TAFA2: variants seen among roughly 807,000 people sequenced by gnomAD.
TAFA2 encodes TAFA chemokine like family member 2.
In TAFA2, 7 loss-of-function variants were observed where a neutral mutation model predicts 18.8. The observed-to-expected ratio is 0.37, with a 90% CI of 0.21 to 0.70. The LOEUF is 0.70. Among genes scored for constraint, TAFA2 ranks in the 30% least tolerant of loss-of-function variants. The probability of loss-of-function intolerance (pLI) is 0.53; values close to 1 mark genes in which losing one functional copy is unlikely to be tolerated. For missense variants in TAFA2, 122 were observed against 158.1 expected (o/e 0.77, Z 1.23); for synonymous variants, 60 against 54.2 (o/e 1.11, Z -0.47).
intron 1 of TAFA2, among the ~76,000 whole-genome samples, chr12:61,902,110 A>C (rs1876131239): frequency 6.6e-6 from 1 of 151,696 alleles, no homozygotes; most frequent in South Asian, 2.1e-4. Context: ...AAAAAAAAAA[A>C]AAACCTGTAT....
chr12:61,928,578 T>C (rs1335571801), intron 1 of TAFA2, among the ~76,000 whole-genome samples: 2 of 152,158 alleles, frequency 1.3e-5, no homozygotes, highest in Non-Finnish European at 1.5e-5. Flanking sequence ...GAACGTAAAT[T>C]AGTTCAACCA....
At chr12:61,939,072 A>T (rs1164416773) in intron 1 of TAFA2, among the ~76,000 whole-genome samples, 1 of 152,296 alleles carries the variant, frequency 6.6e-6, no homozygotes. Context: ...AATTCTTTTT[A>T]AAAAAGTATA....
intron 4 of TAFA2, among the ~76,000 whole-genome samples, chr12:61,732,685 G>T (rs1281802346): frequency 6.6e-6 from 1 of 151,720 alleles, no homozygotes; most frequent in Admixed American, 6.6e-5. Context: ...GATGGTGATG[G>T]TTTGCAATGT....
At chr12:61,821,179 T>G (rs958832845) in intron 2 of TAFA2, among the ~76,000 whole-genome samples, 2 of 149,228 alleles carry the variant, frequency 1.3e-5, no homozygotes, top group African/African-American at 5.0e-5. Context: ...ATTTGGAGGG[T>G]GCTGAAACAT....
At chr12:61,710,459 A>T in intron 4 of TAFA2, 42 bp from the exon 5 acceptor site, 9 of 1,516,768 alleles carry the variant, frequency 5.9e-6, no homozygotes, top group Non-Finnish European at 8.2e-6. Flanking sequence ...TTCATAACAT[A>T]CCGATAATCT....
In TAFA2 at chr12:62,083,625, A is replaced by T. The variant is rs137948549; in HGVS notation, c.-2+107634T>A. Among the ~76,000 whole-genome samples, 762 of 152,318 alleles carry T rather than the reference A, an allele frequency of 5.0e-3. 9 individuals carry two copies. Among genetic ancestry groups the T allele is most frequent in the African/African-American group, 0.017 (712 of 41,562 alleles). On this transcript the variant is annotated intron_variant, in intron 1 of 4. Coordinates refer to ENST00000416284, the MANE Select transcript of TAFA2 (RefSeq NM_178539.5). ...ATTTGACTACAAAGACATGAACATCATTTACAAATAAAATTTTATTCTGCC... is the reference window on the plus strand; with the variant it reads ...ATTTGACTACAAAGACATGAACATCTTTTACAAATAAAATTTTATTCTGCC...
intron 1 of TAFA2, among the ~76,000 whole-genome samples, chr12:61,975,514 C>CATGTGTGTGT (rs1555180430): frequency 2.9e-5 from 4 of 136,560 alleles, no homozygotes; most frequent in Non-Finnish European, 6.2e-5. Flanking sequence ...CAATAATATT[C>CATGTGTGTGT]GTGTGTGTGT....
intron 1 of TAFA2, among the ~76,000 whole-genome samples, chr12:61,886,648 C>A (rs1875395375): frequency 2.0e-5 from 3 of 152,122 alleles, no homozygotes; most frequent in Non-Finnish European, 4.4e-5. Flanking sequence ...CATCTGTGTC[C>A]ACTTGCTGGA....
chr12:61,957,227 T>C (rs571478080), intron 1 of TAFA2, among the ~76,000 whole-genome samples: 18 of 152,160 alleles, frequency 1.2e-4, no homozygotes, highest in Non-Finnish European at 2.2e-4. Context: ...CCATCCCTTT[T>C]TTCCTTCTCA....
chr12:62,259,543 A>G (rs1399594258), upstream of TAFA2: 1 of 152,236 alleles, frequency 6.6e-6, no homozygotes, highest in Non-Finnish European at 1.5e-5. Context: ...ATTTTGTAAC[A>G]TAATCGTTGA....
chr12:61,905,967 TG>T (rs1876331086), intron 1 of TAFA2, among the ~76,000 whole-genome samples: 1 of 152,222 alleles, frequency 6.6e-6, no homozygotes, highest in Non-Finnish European at 1.5e-5. Flanking sequence ...GTAATCATGT[TG>T]TTAACATACA....
At chr12:62,019,893 TAA>T (rs1270698642) in intron 1 of TAFA2, among the ~76,000 whole-genome samples, 6 of 152,228 alleles carry the variant, frequency 3.9e-5, no homozygotes, top group Non-Finnish European at 7.3e-5. Flanking sequence ...TTCTGATTCT[TAA>T]GTTTCCAATT....
At chr12:62,189,940 T>TTGTGTGTGTGTGTGTGTGTGTG (rs10643306) in intron 1 of TAFA2, among the ~76,000 whole-genome samples, 3 of 142,022 alleles carry the variant, frequency 2.1e-5, no homozygotes, top group East Asian at 2.1e-4. Context: ...TGAGTTTGCT[T>TTGTGTGTGTGTGTGTGTGTGTG]TGTGTGTGTG....
chr12:62,145,040 G>A (rs2062270584), intron 1 of TAFA2, among the ~76,000 whole-genome samples: 1 of 152,222 alleles, frequency 6.6e-6, no homozygotes, highest in Non-Finnish European at 1.5e-5. Flanking sequence ...AATCAAAGGT[G>A]ATGATCATTT....
intron 1 of TAFA2, among the ~76,000 whole-genome samples, chr12:61,931,851 G>A (rs774868262): frequency 1.3e-5 from 2 of 152,110 alleles, no homozygotes; most frequent in Admixed American, 1.3e-4. Flanking sequence ...TCAGCTATGT[G>A]CCAGGATAGT....
At chr12:62,059,763 T>C (rs1431854303) in intron 1 of TAFA2, among the ~76,000 whole-genome samples, 1 of 152,208 alleles carries the variant, frequency 6.6e-6, no homozygotes, top group African/African-American at 2.4e-5. Flanking sequence ...ATGTCTATTG[T>C]TTAGGCTGTT....
intron 1 of TAFA2, among the ~76,000 whole-genome samples, chr12:62,242,834 A>G (rs1003005655): frequency 2.6e-5 from 4 of 152,250 alleles, no homozygotes; most frequent in African/African-American, 9.6e-5. Flanking sequence ...AGTCCTTTGA[A>G]GTAAAATTAA....
intron 1 of TAFA2, among the ~76,000 whole-genome samples, chr12:62,221,216 G>GGGAAGGAAGGAA (rs371693194): frequency 0.016 from 1,282 of 78,720 alleles, 56 homozygotes; most frequent in African/African-American, 0.039. Flanking sequence ...GAAGGAAGGG[G>GGGAAGGAAGGAA]GGAAGGAAGG....
At chr12:61,800,897 C>T (rs116282942) in intron 2 of TAFA2, among the ~76,000 whole-genome samples, 3,037 of 152,112 alleles carry the variant, frequency 0.02, 100 homozygotes, top group African/African-American at 0.069. Flanking sequence ...AAATAGTCTC[C>T]ACATGGGGCA....
Sources: gnomAD v4.1 joint callset for allele counts (sites outside exome capture counted in the v4.1 genomes callset) on GRCh38, gnomAD v4.1.1 for gene constraint, MANE v1.5 for transcripts, NCBI Gene and HGNC (gene_info 2026-07-23, HGNC 2026-07-21) for gene names.